CNTNAP3B: variants seen among roughly 807,000 people sequenced by gnomAD.
CNTNAP3B encodes contactin associated protein family member 3B.
Under a neutral mutation model 108.9 loss-of-function variants are expected in CNTNAP3B, and 25 were observed. That is an observed-to-expected ratio of 0.23 (90% CI 0.17 to 0.32). CNTNAP3B has a LOEUF of 0.32. Among genes scored for constraint, CNTNAP3B ranks in the 10% least tolerant of loss-of-function variants. The pLI is 1.00. For synonymous variants in CNTNAP3B, 103 were observed against 473.4 expected (o/e 0.22, Z 10.16); for missense variants, 252 against 1,210.4 (o/e 0.21, Z 11.75).
intron 13 of CNTNAP3B, among the ~76,000 whole-genome samples, chr9:41,951,318 G>C (rs1280326715): frequency 1.7e-5 from 2 of 119,458 alleles, no homozygotes; most frequent in South Asian, 2.6e-4. Flanking sequence ...TCCATTTCTT[G>C]TGTTATTTTA....
intron 10 of CNTNAP3B, among the ~76,000 whole-genome samples, chr9:41,967,092 C>G (rs1293366475): frequency 6.7e-6 from 1 of 149,666 alleles, no homozygotes; most frequent in Non-Finnish European, 1.5e-5. Flanking sequence ...TAACTTCATA[C>G]CCCTTATCTG....
At chr9:41,972,302 G>GA (rs1276006252) in intron 9 of CNTNAP3B, among the ~76,000 whole-genome samples, 7 of 78,018 alleles carry the variant, frequency 9.0e-5, no homozygotes, top group Non-Finnish European at 1.7e-4. Context: ...TCATTAAAAT[G>GA]AAAAAAATGA....
chr9:42,073,955 T>G lies in CNTNAP3B; in HGVS notation c.390+2914A>C, dbSNP rs1336030403. Among the ~76,000 whole-genome samples, 19 of 40,196 alleles carry G rather than the reference T, an allele frequency of 4.7e-4. 8 individuals carry two copies. The highest frequency in any genetic ancestry group is 1.2e-3 in the African/African-American group (19 of 16,228). The allele number at this position is 40,196 out of a possible 152,430, so 26.4% of individuals were successfully genotyped here. On this transcript the variant is annotated intron_variant, in intron 3 of 23. Transcript: ENST00000377561. ...AGTAAGAATGAATAAGACCTAGGAT[T>G]TGATAGCACAACAAGGTGACTATAG...
chr9:41,934,106 T>TATATATATATATATAC (rs1824068943), intron 14 of CNTNAP3B, among the ~76,000 whole-genome samples: 2 of 132,418 alleles, frequency 1.5e-5, no homozygotes, highest in South Asian at 4.5e-4. Flanking sequence ...GTTACATATA[T>TATATATATATATATAC]ATATATATAT....
At chr9:41,931,721 G>A (rs1465778719) in intron 14 of CNTNAP3B, among the ~76,000 whole-genome samples, 1 of 150,030 alleles carries the variant, frequency 6.7e-6, no homozygotes, top group Non-Finnish European at 1.5e-5. Flanking sequence ...TATGTCTCCT[G>A]CTGAATGAGG....
At chr9:41,935,186 T>G (rs1824119306) in intron 14 of CNTNAP3B, among the ~76,000 whole-genome samples, 1 of 152,298 alleles carries the variant, frequency 6.6e-6, no homozygotes, top group Non-Finnish European at 1.5e-5. Flanking sequence ...CATGTTATAG[T>G]TATTTGATAG....
At chr9:42,113,056 A>C (rs1205924924) in intron 1 of CNTNAP3B, among the ~76,000 whole-genome samples, 1 of 134,888 alleles carries the variant, frequency 7.4e-6, no homozygotes, top group Non-Finnish European at 1.6e-5. Flanking sequence ...TGCCCGGTCA[A>C]GTTTACATAA....
rs1564199933 is a variant in CNTNAP3B at position 42,117,558 on chromosome 9, C to T, written c.85+11452G>A. Among the ~76,000 whole-genome samples, 3 of 139,802 alleles carry T rather than the reference C, an allele frequency of 2.1e-5. 1 individual carries two copies. Among genetic ancestry groups the T allele is most frequent in the Non-Finnish European group, 4.6e-5 (3 of 64,972 alleles). 91.7% of individuals were successfully genotyped at this position (139,802 alleles called of 152,430 possible). ...GAGGGAAATTTATAGCACTAAATGC[C>T]CACAAAAGAAAGCAGGAAAGATCTA... On this transcript the variant is annotated intron_variant, in intron 1 of 23. Transcript: ENST00000377561.
rs966907573 is a variant in CNTNAP3B, at chr9:42,024,345, G to GA, written c.391-10821dup. ...ATTGATCTATTCCAGTGCAAGGTGA[G>GA]ATTGCCACTCACCACTGCCCCCATT... On this transcript the variant is annotated intron_variant, in intron 3 of 23. Coordinates refer to ENST00000377561, the MANE Select transcript of CNTNAP3B (RefSeq NM_001201380.3). 7.7e-5 allele frequency among the ~76,000 whole-genome samples: 7 copies of GA among 91,164 alleles called. 1 individual carries two copies. The East Asian group carries it at 4.2e-3, about 54-fold the overall frequency. 59.8% of individuals were successfully genotyped at this position (91,164 alleles called of 152,430 possible).
intron 13 of CNTNAP3B, among the ~76,000 whole-genome samples, chr9:41,940,701 G>A (rs1824314554): frequency 6.6e-6 from 1 of 152,118 alleles, no homozygotes; most frequent in Non-Finnish European, 1.5e-5. Context: ...TGTAGTCCCA[G>A]CTACTCAGGA....
chr9:41,966,749 C>T (rs559457803), intron 10 of CNTNAP3B, among the ~76,000 whole-genome samples: 69 of 152,200 alleles, frequency 4.5e-4, no homozygotes, highest in Non-Finnish European at 1.6e-4. Flanking sequence ...GGGTGGATCA[C>T]GAGGTCAGGA....
intron 18 of CNTNAP3B, among the ~76,000 whole-genome samples, chr9:41,917,099 C>A (rs1235782669): frequency 6.6e-6 from 1 of 152,418 alleles, no homozygotes; most frequent in Non-Finnish European, 1.5e-5. Flanking sequence ...ATGTTTTCAA[C>A]CATTATTTTT....
At chr9:42,037,096 G>T (rs1472548604) in intron 3 of CNTNAP3B, among the ~76,000 whole-genome samples, 2 of 142,264 alleles carry the variant, frequency 1.4e-5, no homozygotes, top group Non-Finnish European at 3.1e-5. Flanking sequence ...AAGAAGGGGA[G>T]AAACCAGAAC....
chr9:41,917,297 C>A lies in CNTNAP3B; in HGVS notation c.2995+2773G>T, dbSNP rs568446090. On this transcript the variant is annotated intron_variant, in intron 18 of 23. Transcript: ENST00000377561. ...AAGTTTGCTGATTCTTTTTTCTTTTCTCTGTTAAACTTCCCTGGCTTAACT... is the reference window on the plus strand; with the variant it reads ...AAGTTTGCTGATTCTTTTTTCTTTTATCTGTTAAACTTCCCTGGCTTAACT... Among the ~76,000 whole-genome samples, 3 of 143,570 alleles carry A rather than the reference C, an allele frequency of 2.1e-5. No individual in the cohort carries two copies. In the East Asian group the frequency reaches 6.0e-4, roughly 29 times the overall value. 94.2% of individuals were successfully genotyped at this position (143,570 alleles called of 152,430 possible). A position where few individuals can be genotyped will look rare whatever the true frequency, so the allele number is the denominator to read the frequency against.
At chr9:42,030,901 G>A (rs1465173472) in intron 3 of CNTNAP3B, among the ~76,000 whole-genome samples, 4 of 113,536 alleles carry the variant, frequency 3.5e-5, no homozygotes, top group Non-Finnish European at 5.4e-5. Context: ...ACCACATAGG[G>A]TTCTCAGCCT....
intron 3 of CNTNAP3B, among the ~76,000 whole-genome samples, chr9:42,015,702 T>C (rs1057046152): frequency 5.8e-5 from 1 of 17,330 alleles, no homozygotes; most frequent in African/African-American, 2.3e-4. Flanking sequence ...ATCCTTTTAT[T>C]TTGGTTCTAA....
rs563702297 is a variant in CNTNAP3B, at chr9:42,111,203, T to C, written c.86-6464A>G. On this transcript the variant is annotated intron_variant, in intron 1 of 23. Transcript: ENST00000377561. ...AATGAATGGGAACAGAACCTGGGAC[T>C]TTCGAATGAATAACAGCAGAACTTG... 3.0e-4 allele frequency among the ~76,000 whole-genome samples: 42 copies of C among 139,696 alleles called. 8 individuals carry two copies. The highest frequency in any genetic ancestry group is 1.2e-3 in the African/African-American group (42 of 35,300). The allele number at this position is 139,696 out of a possible 152,430, so 91.6% of individuals were successfully genotyped here.
intron 8 of CNTNAP3B, among the ~76,000 whole-genome samples, chr9:41,986,524 G>A (rs1435626332): frequency 2.1e-5 from 3 of 145,730 alleles, no homozygotes; most frequent in African/African-American, 5.2e-5. Context: ...TCTTTCTGAA[G>A]AATCACTGTA....
rs1206132281 is a variant in CNTNAP3B at position 42,068,055 on chromosome 9, G to A, written c.390+8814C>T. Among the ~76,000 whole-genome samples the A allele has an allele frequency of 1.5e-5, 2 of 137,570 alleles. 1 individual carries two copies. The highest frequency in any genetic ancestry group is 3.1e-5 in the Non-Finnish European group (2 of 64,558). 90.3% of individuals were successfully genotyped at this position (137,570 alleles called of 152,430 possible). A position where few individuals can be genotyped will look rare whatever the true frequency, so the allele number is the denominator to read the frequency against. ...GTATCTGGGATAGCAGTAAAACAGAGGATACTGCTTGAAACAAAACTGCTT... is the reference window on the plus strand; with the variant it reads ...GTATCTGGGATAGCAGTAAAACAGAAGATACTGCTTGAAACAAAACTGCTT... On this transcript the variant is annotated intron_variant, in intron 3 of 23. Transcript: ENST00000377561.
Sources: gnomAD v4.1 joint callset for allele counts (sites outside exome capture counted in the v4.1 genomes callset) on GRCh38, gnomAD v4.1.1 for gene constraint, MANE v1.5 for transcripts, NCBI Gene and HGNC (gene_info 2026-07-23, HGNC 2026-07-21) for gene names.